The following FYB2 variants were observed in gnomAD, a reference collection of about 807,000 sequenced individuals.
The protein encoded by FYB2 is FYN-binding protein 2.
In FYB2, 103 loss-of-function variants were observed where a neutral mutation model predicts 94.1. The observed-to-expected ratio is 1.09, with a 90% confidence interval of 0.93 to 1.29. The LOEUF (loss-of-function observed/expected upper bound fraction) is 1.29. Ranked by LOEUF, FYB2 falls within the 50% of genes most tolerant of loss-of-function variation. The probability of loss-of-function intolerance (pLI) is 0.00; values close to 1 mark genes in which losing one functional copy is unlikely to be tolerated. For synonymous variants in FYB2, 293 were observed against 287.9 expected (o/e 1.02, Z -0.18); for missense variants, 896 against 841.5 (o/e 1.06, Z -0.80).
At chr1:56,808,990 T>C (rs1468627662) in intron 1 of FYB2, among the ~76,000 whole-genome samples, 1 of 152,176 alleles carries the variant, frequency 6.6e-6, no homozygotes, top group Non-Finnish European at 1.5e-5. Context: ...ATTATGTTGT[T>C]ACACACACAC....
chr1:56,826,486 T>A, the FYB2 span: 1 of 152,418 alleles, frequency 6.6e-6, no homozygotes, highest in Non-Finnish European at 1.5e-5. Flanking sequence ...GAGCTCTCCA[T>A]GCTGCATCTG....
At chr1:56,753,786 C>A in intron 8 of FYB2, 53 bp downstream of exon 8, 4 of 1,286,594 alleles carry the variant, frequency 3.1e-6, no homozygotes, top group Non-Finnish European at 4.5e-6. Context: ...AAGTCACCCC[C>A]ATGAACTGAT....
intron 15 of FYB2, among the ~76,000 whole-genome samples, chr1:56,727,698 A>G (rs142186136): frequency 4.7e-4 from 71 of 152,266 alleles, no homozygotes; most frequent in African/African-American, 1.6e-3. Context: ...ACCTTGAGGG[A>G]AAGGATACAT....
Position 56,794,493 on chromosome 1 carries a change from C to T in FYB2, c.10-1690G>A, listed in dbSNP as rs189690273. On this transcript the variant is annotated intron_variant, in intron 1 of 19. Transcript: ENST00000343433. ...TCCATGGCAGTGACTTTTGATTTTG[C>T]CAGCTTAGGAAATGTTGGGCGACCT... 2.0e-4 allele frequency among the ~76,000 whole-genome samples: 30 copies of T among 152,238 alleles called. No individual in the cohort carries two copies. The East Asian group carries it at 4.4e-3, about 23-fold the overall frequency.
intron 8 of FYB2, among the ~76,000 whole-genome samples, chr1:56,752,764 G>A (rs766554325): frequency 1.2e-4 from 18 of 152,040 alleles, no homozygotes; most frequent in South Asian, 4.1e-4. Context: ...GTGACTCTTC[G>A]TTAGTAGTTT....
At chr1:56,765,311 G>T (rs951535277) in intron 5 of FYB2, among the ~76,000 whole-genome samples, 1 of 152,162 alleles carries the variant, frequency 6.6e-6, no homozygotes, top group Admixed American at 6.5e-5. Context: ...GTAGGGAGAA[G>T]GGCATCTTGT....
At position 56,792,652 on chromosome 1, in the gene FYB2, G is replaced by A. The variant is rs1212816504; in HGVS notation, c.161C>T (p.Pro54Leu). The change falls in exon 2 of 20, where the codon CCC becomes CTC. Residue 54 changes from proline to leucine, a missense_variant. Coordinates refer to ENST00000343433, the MANE Select transcript of FYB2 (RefSeq NM_001004303.5). The stretch of plus-strand genomic sequence containing the variant: ...GCGCTGCTTGTGGTTGGATGAGAGG[G>A]GTTTCCCATTGGCCAAAATTTGAGT... ...QSTQILANGKPLSSNHKQRTP... is the reference protein window; with the variant it reads ...QSTQILANGKLLSSNHKQRTP... 6.2e-7 allele frequency: 1 copy of A among 1,613,882 alleles called. No homozygotes were observed. The highest frequency in any genetic ancestry group is 8.5e-7 in the Non-Finnish European group (1 of 1,179,992).
intron 4 of FYB2, among the ~76,000 whole-genome samples, chr1:56,778,254 C>A (rs1645929120): frequency 1.3e-5 from 2 of 152,218 alleles, no homozygotes; most frequent in Non-Finnish European, 2.9e-5. Context: ...AGCCCTCCTT[C>A]CCACCTATTT....
chr1:56,778,516 G>C (rs1557640083), intron 4 of FYB2, among the ~76,000 whole-genome samples: 1 of 152,106 alleles, frequency 6.6e-6, no homozygotes, highest in Non-Finnish European at 1.5e-5. Context: ...ACAGGTAGAT[G>C]ATGTCACATC....
At chr1:56,770,378 G>T (rs866665559) in intron 4 of FYB2, among the ~76,000 whole-genome samples, 12 of 152,044 alleles carry the variant, frequency 7.9e-5, no homozygotes, top group African/African-American at 2.9e-4. Flanking sequence ...TTAATGAGCT[G>T]TTTTAGAGGA....
intron 1 of FYB2, among the ~76,000 whole-genome samples, chr1:56,803,251 A>G (rs1048972966): frequency 1.3e-5 from 2 of 152,226 alleles, no homozygotes; most frequent in Non-Finnish European, 2.9e-5. Flanking sequence ...TGTTCATATA[A>G]TGCAAGATAA....
chr1:56,748,531 A>G (rs1645121391), intron 9 of FYB2, among the ~76,000 whole-genome samples: 2 of 151,942 alleles, frequency 1.3e-5, no homozygotes, highest in African/African-American at 2.4e-5. Flanking sequence ...TGTTTTTGTC[A>G]GGTTTGTCAA....
intron 4 of FYB2, among the ~76,000 whole-genome samples, chr1:56,775,741 C>T (rs1344548462): frequency 6.6e-6 from 1 of 151,970 alleles, no homozygotes; most frequent in South Asian, 2.1e-4. Flanking sequence ...TAGATCACAC[C>T]GTAATGGAAG....
chr1:56,814,722 C>T (rs1646841861), intron 1 of FYB2, among the ~76,000 whole-genome samples: 1 of 152,170 alleles, frequency 6.6e-6, no homozygotes, highest in South Asian at 2.1e-4. Flanking sequence ...GTCTACTCTC[C>T]CAAGAACAAG....
intron 1 of FYB2, among the ~76,000 whole-genome samples, chr1:56,800,567 A>G (rs1646497542): frequency 6.6e-6 from 1 of 152,200 alleles, no homozygotes. Context: ...CAGGTTGGGT[A>G]TGAGCAAGAA....
upstream of FYB2, among the ~76,000 whole-genome samples, chr1:56,821,383 C>T (rs1347647588): frequency 6.6e-6 from 1 of 151,854 alleles, no homozygotes; most frequent in South Asian, 2.1e-4. Context: ...GGGGTGGGTA[C>T]TGTTTTGCCA....
chr1:56,744,616 A>T (rs1645029673), intron 9 of FYB2, among the ~76,000 whole-genome samples: 1 of 152,022 alleles, frequency 6.6e-6, no homozygotes, highest in African/African-American at 2.4e-5. Flanking sequence ...CTACCAGGGT[A>T]CATCCCTGGG....
At chr1:56,732,190 A>C (rs1644726547) in intron 15 of FYB2, among the ~76,000 whole-genome samples, 1 of 152,144 alleles carries the variant, frequency 6.6e-6, no homozygotes, top group African/African-American at 2.4e-5. Context: ...ATGAACAATG[A>C]ACTAGCTGAA....
chr1:56,799,800 T>C (rs986190165), intron 1 of FYB2, among the ~76,000 whole-genome samples: 1 of 152,202 alleles, frequency 6.6e-6, no homozygotes, highest in Non-Finnish European at 1.5e-5. Flanking sequence ...ACCCTCTCTA[T>C]GTCACCGCTC....
Sources: allele counts gnomAD v4.1 joint callset (sites outside exome capture counted in the v4.1 genomes callset), GRCh38; gene constraint gnomAD v4.1.1; transcripts MANE v1.5; gene names NCBI Gene and HGNC (gene_info 2026-07-23, HGNC 2026-07-21).